The following NDRG2 variants were observed in gnomAD, a reference collection of about 807,000 sequenced individuals.
NDRG2 encodes the protein NDRG family member 2.
Under a neutral mutation model 58.2 loss-of-function variants are expected in NDRG2, and 34 were observed. That is an observed-to-expected ratio of 0.58 (90% confidence interval 0.44 to 0.78). The LOEUF is 0.78. Ranked by LOEUF, NDRG2 falls within the 30% of genes least tolerant of loss-of-function variation. The pLI, the probability that NDRG2 is intolerant of heterozygous loss-of-function variation, is 0.00. For synonymous variants in NDRG2, 187 were observed against 175.9 expected (o/e 1.06, Z -0.50); for missense variants, 434 against 471.2 (o/e 0.92, Z 0.73).
rs1879254168 is a variant in NDRG2 at position 21,020,044 on chromosome 14, C to A, written c.556-68G>T. On this transcript the variant is annotated intron_variant, in intron 8 of 15. Coordinates refer to ENST00000556147, the MANE Select transcript of NDRG2 (RefSeq NM_001320329.2). ...GGCACAGTGGCTCACGTCTGTAATC[C>A]CAGCACTTTGGGAGGCCGAGGCGGG... is the stretch of plus-strand genomic sequence containing the variant. 2.0e-6 allele frequency: 3 copies of A among 1,484,882 alleles called. No homozygotes were observed. In the Admixed American group the frequency reaches 5.1e-5, roughly 25 times the overall value. The allele number at this position is 1,484,882 out of a possible 1,614,324, so 92.0% of individuals were successfully genotyped here.
chr14:21,031,262 C>A, intron 1 of NDRG2: 1 of 1,477,628 alleles, frequency 6.8e-7, no homozygotes, highest in Admixed American at 2.2e-5. Flanking sequence ...ACTGTAGAGA[C>A]AGGGCCGAAA....
intron 1 of NDRG2, among the ~76,000 whole-genome samples, chr14:21,062,011 A>G (rs1275981248): frequency 2.0e-5 from 3 of 152,270 alleles, no homozygotes; most frequent in African/African-American, 4.8e-5. Context: ...GAGTTTCATT[A>G]ACTACTTACA....
intron 1 of NDRG2, chr14:21,031,288 A>C: frequency 3.8e-6 from 5 of 1,303,320 alleles, no homozygotes; most frequent in Non-Finnish European, 5.2e-6. Context: ...TTTAGAGATC[A>C]TCTAGACATT....
chr14:21,035,495 A>G (rs1884561553), intron 1 of NDRG2, among the ~76,000 whole-genome samples: 1 of 152,162 alleles, frequency 6.6e-6, no homozygotes, highest in South Asian at 2.1e-4. Context: ...CTTGCCCTTG[A>G]CTTCCACAGG....
intron 1 of NDRG2, chr14:21,043,467 T>A (rs1274104022): frequency 6.4e-7 from 1 of 1,572,500 alleles, no homozygotes; most frequent in South Asian, 1.2e-5. Context: ...CCTTTAGGTT[T>A]CCAGACTGGC....
At chr14:21,051,548 G>T (rs972914951) in intron 1 of NDRG2, among the ~76,000 whole-genome samples, 1 of 152,166 alleles carries the variant, frequency 6.6e-6, no homozygotes, top group Non-Finnish European at 1.5e-5. Flanking sequence ...ATGAATCCAG[G>T]AGTGAGGAAC....
At chr14:21,043,414 ACT>A (rs747285925) in intron 1 of NDRG2, 8 of 1,610,818 alleles carry the variant, frequency 5.0e-6, no homozygotes, top group East Asian at 2.2e-5. Context: ...CAGAAAAAGG[ACT>A]CTCAGCAATT....
At chr14:21,038,066 C>A (rs1884731734) in intron 1 of NDRG2, among the ~76,000 whole-genome samples, 1 of 152,186 alleles carries the variant, frequency 6.6e-6, no homozygotes, top group Non-Finnish European at 1.5e-5. Context: ...TGGACAGTTC[C>A]TGGGCTGTCC....
chr14:21,068,496 A>G (rs1886408529), intron 1 of NDRG2, among the ~76,000 whole-genome samples: 1 of 152,076 alleles, frequency 6.6e-6, no homozygotes, highest in Non-Finnish European at 1.5e-5. Context: ...CCTGGTGAGG[A>G]AAGGTTCAGA....
Position 21,070,445 on chromosome 14 carries a change from A to G in NDRG2, c.24+383T>C. On this transcript the variant is annotated intron_variant, in intron 1 of 14. Coordinates refer to the NDRG2 transcript ENST00000403829. This position sits in a 1 kb window ranked among gnomAD's most constrained non-coding sequence, Gnocchi z 4.7. ...CCCTGGGTCCCCTCGGCCTTCGCGCAGCCCGCTCCGGGCCCCCAAGTCCTC... is the reference window on the plus strand; with the variant it reads ...CCCTGGGTCCCCTCGGCCTTCGCGCGGCCCGCTCCGGGCCCCCAAGTCCTC... 7.4e-7 allele frequency: 1 copy of G among 1,358,708 alleles called. No individual in the cohort carries two copies. The highest frequency in any genetic ancestry group is 9.4e-7 in the Non-Finnish European group (1 of 1,061,598). The allele number at this position is 1,358,708 out of a possible 1,614,324, so 84.2% of individuals were successfully genotyped here.
At chr14:21,054,556 C>T (rs1885596462) in intron 1 of NDRG2, among the ~76,000 whole-genome samples, 1 of 152,186 alleles carries the variant, frequency 6.6e-6, no homozygotes, top group Non-Finnish European at 1.5e-5. Context: ...CTGCTGCCAT[C>T]CCCACTCTGT....
At chr14:21,025,765 T>A, upstream of NDRG2, 1 of 139,058 alleles carries the variant, frequency 7.2e-6, no homozygotes, top group South Asian at 3.2e-4. This position sits in a 1 kb window ranked among gnomAD's most constrained non-coding sequence, Gnocchi z 5.1. Context: ...GGGCGGGGAA[T>A]GCGGGGGGCC....
At chr14:21,062,365 G>A (rs138658986) in intron 1 of NDRG2, among the ~76,000 whole-genome samples, 67 of 152,292 alleles carry the variant, frequency 4.4e-4, no homozygotes, top group Non-Finnish European at 8.4e-4. Context: ...AAGGGCATGC[G>A]ACTGGCAGTG....
intron 5 of NDRG2, 44 bp from the exon 6 acceptor site, chr14:21,021,923 A>C (rs750526519): frequency 6.2e-7 from 1 of 1,611,188 alleles, no homozygotes; most frequent in Non-Finnish European, 8.5e-7. Flanking sequence ...ACCTGCCCTC[A>C]CACCCCCCAC....
At chr14:21,053,235 T>C (rs1885542614) in intron 1 of NDRG2, among the ~76,000 whole-genome samples, 1 of 152,078 alleles carries the variant, frequency 6.6e-6, no homozygotes, top group Admixed American at 6.5e-5. Flanking sequence ...GTAATATCAG[T>C]ACTTTGGGAG....
At chr14:21,043,728 C>A in intron 1 of NDRG2, 1 of 409,392 alleles carries the variant, frequency 2.4e-6, no homozygotes, top group Non-Finnish European at 4.5e-6. Flanking sequence ...TGCCATTGCA[C>A]ATGTCTCCCC....
chr14:21,021,038 A>G, intron 6 of NDRG2, 194 bp from the exon 7 acceptor site: 1 of 690,370 alleles, frequency 1.4e-6, no homozygotes, highest in South Asian at 1.5e-5. Flanking sequence ...CAGGGTAGAT[A>G]CCTGAAGTCT....
chr14:21,016,945 C>T lies in NDRG2; in HGVS notation c.*651G>A, dbSNP rs541222797. On this transcript the variant is annotated 3_prime_UTR_variant, in exon 16 of 16. Transcript: ENST00000556147. ...TCCCCAGTCCCACTCTAGATGCACA[C>T]TGAGCTACCAAAGTTAGTGCAGCCA... The T allele has an allele frequency of 1.8e-5, 8 of 456,646 alleles. No homozygotes were observed. The highest frequency in any genetic ancestry group is 1.2e-4 in the South Asian group (8 of 64,554). 28.3% of individuals were successfully genotyped at this position (456,646 alleles called of 1,614,324 possible).
In NDRG2 at chr14:21,070,792, G is replaced by A. The variant is rs1276534977; in HGVS notation, c.24+36C>T. The A allele has an allele frequency of 1.2e-5, 19 of 1,534,914 alleles. No homozygotes were observed. The highest frequency in any genetic ancestry group is 2.4e-5 in the East Asian group (1 of 40,872). On this transcript the variant is annotated intron_variant, in intron 1 of 14. Transcript: ENST00000403829. The surrounding 1 kb of genome is among the most constrained non-coding windows in gnomAD (Gnocchi z 4.7). ...TGCGGGTTGGTCCTGCAGCGACCCT[G>A]GAAGAGGCCCGGCCCCTCGGGTCAT...
Sources: allele counts gnomAD v4.1 joint callset (sites outside exome capture counted in the v4.1 genomes callset), GRCh38; gene constraint gnomAD v4.1.1; non-coding constraint Gnocchi (gnomAD v3.1); transcripts MANE v1.5; gene names NCBI Gene and HGNC (gene_info 2026-07-23, HGNC 2026-07-21).